EIF3A: variants seen among roughly 807,000 people sequenced by gnomAD.
The protein encoded by EIF3A is EIF3, p180 subunit.
EIF3A carries 21 observed loss-of-function variants against 186.6 expected under a neutral mutation model. The ratio of observed to expected loss-of-function variants is 0.11; its 90% CI spans 0.08 to 0.16. EIF3A has a LOEUF of 0.16. EIF3A is among the 10% of genes least tolerant of loss of function. The probability of loss-of-function intolerance (pLI) is 1.00; values close to 1 mark genes in which losing one functional copy is unlikely to be tolerated. For missense variants in EIF3A, 1,306 were observed against 1,796.3 expected (o/e 0.73, Z 4.93); for synonymous variants, 563 against 584.3 (o/e 0.96, Z 0.52).
At chr10:119,047,680 G>GA (rs1235026168) in intron 17 of EIF3A, among the ~76,000 whole-genome samples, 3 of 152,140 alleles carry the variant, frequency 2.0e-5, no homozygotes, top group East Asian at 1.9e-4. Flanking sequence ...GTGCTCAACA[G>GA]AAAAAAACAT....
intron 6 of EIF3A, among the ~76,000 whole-genome samples, chr10:119,069,128 T>C (rs751642737): frequency 2.0e-5 from 3 of 152,228 alleles, no homozygotes; most frequent in Non-Finnish European, 4.4e-5. Context: ...TTAGCGGAGT[T>C]ACTTATCACC....
In EIF3A at chr10:119,050,579, T is replaced by C. The variant is rs61729195; in HGVS notation, c.2415A>G (p.Thr805=). ...KRQRKEERRI[T]YYREKEEEEQ... The stretch of plus-strand genomic sequence containing the variant: ...CCTCCTCTTCTTTTTCTCTATAGTA[T>C]GTTATCCTGCGTTCTTCTTTACGCT... Residue 805 remains threonine (T), a synonymous_variant, in exon 16 of 22, where the codon ACA becomes ACG. Transcript: ENST00000369144. 3.2e-3 allele frequency: 5,123 copies of C among 1,614,134 alleles called. 18 individuals are homozygous for C. Among genetic ancestry groups the C allele is most frequent in the South Asian group, 4.4e-3 (398 of 91,080 alleles).
rs1323526160 is a variant in EIF3A at position 119,080,656 on chromosome 10, C to T, written c.21G>A (p.Arg7=). 6.3e-7 allele frequency: 1 copy of T among 1,596,620 alleles called. No individual in the cohort carries two copies. MPAYFQ[R]PENALKRANE... is the part of the protein sequence containing the mutation. ...TGGCGCGTTTGAGGGCATTTTCCGGCCTCTGAAAATAGGCCGGCATCTTGG... is the reference window on the plus strand; with the variant it reads ...TGGCGCGTTTGAGGGCATTTTCCGGTCTCTGAAAATAGGCCGGCATCTTGG... The change falls in exon 1 of 22, where the codon AGG becomes AGA. Residue 7 remains arginine, a synonymous_variant. Coordinates refer to ENST00000369144, the MANE Select transcript of EIF3A (RefSeq NM_003750.4).
intron 19 of EIF3A, 31 bp downstream of exon 19, chr10:119,041,963 C>T: frequency 6.2e-7 from 1 of 1,605,782 alleles, no homozygotes; most frequent in Non-Finnish European, 8.5e-7. Context: ...CAGGTGAACA[C>T]TTAAGCATAT....
At chr10:119,072,477 CAG>C (rs1844092844) in intron 4 of EIF3A, among the ~76,000 whole-genome samples, 4 of 151,084 alleles carry the variant, frequency 2.6e-5, no homozygotes, top group Admixed American at 6.6e-5. Flanking sequence ...TGTTTTGAGA[CAG>C]AGTCTTGCTG....
intron 20 of EIF3A, 29 bp downstream of exon 20, chr10:119,038,209 C>T (rs1848162423): frequency 6.3e-7 from 1 of 1,598,320 alleles, no homozygotes; most frequent in Non-Finnish European, 8.5e-7. Flanking sequence ...CGCCCGGCCT[C>T]TACAAATAAT....
In EIF3A at chr10:119,035,397, G is replaced by A. The variant is rs1589682196; in HGVS notation, c.*642C>T. 1 of 151,598 alleles carries A rather than the reference G, an allele frequency of 6.6e-6. No homozygotes were observed. The highest frequency in any genetic ancestry group is 1.5e-5 in the Non-Finnish European group (1 of 67,770). The allele number at this position is 151,598 out of a possible 1,614,324, so 9.4% of individuals were successfully genotyped here. On this transcript the variant is annotated 3_prime_UTR_variant, in exon 22 of 22. Transcript: ENST00000369144. ...TAAAATTTAAAAGCTATACTGTTTGGATTCACACTTGCGCAGTAATCTTGT... is the reference window on the plus strand; with the variant it reads ...TAAAATTTAAAAGCTATACTGTTTGAATTCACACTTGCGCAGTAATCTTGT...
Position 119,036,163 on chromosome 10 carries a change from TC to T in EIF3A, c.4024del (p.Asp1342ThrfsTer53). ...PPALSRDRER[D>X]RDREREGEKE... Reference sequence around the variant, plus strand: ...TTCACCTTCTCTTTCTCGGTCTCGGTCTCTTTCTCGGTCTCTTGAAAGAGCT... The same window carrying T: ...TTCACCTTCTCTTTCTCGGTCTCGGTTCTTTCTCGGTCTCTTGAAAGAGCT... On this transcript the variant is annotated frameshift_variant, in exon 22 of 22. Coordinates refer to ENST00000369144, the MANE Select transcript of EIF3A (RefSeq NM_003750.4). LOFTEE classifies it high-confidence loss of function. 1 of 1,613,616 alleles carries T rather than the reference TC, an allele frequency of 6.2e-7. No individual in the cohort carries two copies. Among genetic ancestry groups the T allele is most frequent in the Non-Finnish European group, 8.5e-7 (1 of 1,179,794 alleles).
chr10:119,059,453 G>GT (rs1443483099), intron 10 of EIF3A, 56 bp from the exon 11 acceptor site: 3 of 1,373,132 alleles, frequency 2.2e-6, no homozygotes, highest in South Asian at 2.7e-5. Flanking sequence ...AAGTCAAAAA[G>GT]TAACAGAAGA....
intron 5 of EIF3A, 144 bp from the exon 6 acceptor site, chr10:119,069,798 C>G (rs1844042318): frequency 5.0e-6 from 3 of 604,808 alleles, no homozygotes; most frequent in Admixed American, 6.0e-5. Context: ...TCATGTATAT[C>G]TATTTTAGAA....
At chr10:119,062,945 G>A (rs895887966) in intron 7 of EIF3A, among the ~76,000 whole-genome samples, 14 of 150,506 alleles carry the variant, frequency 9.3e-5, no homozygotes, top group African/African-American at 3.4e-4. Context: ...TAGTAGAGAC[G>A]GGGTTTCACC....
At chr10:119,051,406 T>C in intron 14 of EIF3A, 85 bp from the exon 15 acceptor site, 1 of 1,350,448 alleles carries the variant, frequency 7.4e-7, no homozygotes, top group Non-Finnish European at 9.9e-7. Context: ...TCTTGAAAAA[T>C]TAGAAGCTGC....
chr10:119,064,522 C>A (rs903083008), intron 7 of EIF3A, among the ~76,000 whole-genome samples: 2 of 152,130 alleles, frequency 1.3e-5, no homozygotes, highest in African/African-American at 4.8e-5. Context: ...GTGGTACCTT[C>A]CCCCTCTGTC....
At position 119,060,776 on chromosome 10, in the gene EIF3A, T is replaced by C. The variant is rs776742591; in HGVS notation, c.1296A>G (p.Gln432=). The change falls in exon 9 of 22, where the codon CAA becomes CAG. Residue 432 remains glutamine (Q), a synonymous_variant. Coordinates refer to ENST00000369144, the MANE Select transcript of EIF3A (RefSeq NM_003750.4). ...GCAGAAGGCGGAGGATGGTGTTGTT[T>C]TGCAGTTGTGGCACATACTGCTGCA... ...PELQQYVPQL[Q]NNTILRLLQQ... is the part of the protein sequence containing the mutation. 1.2e-6 allele frequency: 2 copies of C among 1,611,292 alleles called. No homozygotes were observed. The highest frequency in any genetic ancestry group is 1.3e-5 in the African/African-American group (1 of 74,786).
intron 19 of EIF3A, among the ~76,000 whole-genome samples, chr10:119,040,417 G>C (rs187322013): frequency 6.6e-6 from 1 of 152,342 alleles, no homozygotes; most frequent in Non-Finnish European, 1.5e-5. Flanking sequence ...TGCCCCTGAA[G>C]AGAATCAGAG....
intron 6 of EIF3A, among the ~76,000 whole-genome samples, chr10:119,068,120 ATT>A (rs112018245): frequency 6.7e-6 from 1 of 150,056 alleles, no homozygotes; most frequent in African/African-American, 2.4e-5. Context: ...CCAGAAATGT[ATT>A]TTTTTTTTAA....
At chr10:119,048,232 C>A (rs1848307552) in intron 17 of EIF3A, among the ~76,000 whole-genome samples, 1 of 151,730 alleles carries the variant, frequency 6.6e-6, no homozygotes, top group Admixed American at 6.6e-5. Context: ...TCAAGCAGGC[C>A]ACAACATAGA....
intron 9 of EIF3A, 28 bp downstream of exon 9, chr10:119,060,718 A>T: frequency 6.4e-7 from 1 of 1,563,130 alleles, no homozygotes; most frequent in African/African-American, 1.4e-5. Flanking sequence ...ATAACATCAC[A>T]AAACTTTTTT....
intron 9 of EIF3A, 95 bp downstream of exon 9, chr10:119,060,651 G>A (rs1179241234): frequency 3.7e-6 from 3 of 811,124 alleles, no homozygotes; most frequent in East Asian, 5.6e-5. Flanking sequence ...ACTTGGGGAG[G>A]TTCTCACTTC....
Sources: gnomAD v4.1 joint callset for allele counts (sites outside exome capture counted in the v4.1 genomes callset) on GRCh38, gnomAD v4.1.1 for gene constraint, MANE v1.5 for transcripts, NCBI Gene and HGNC (gene_info 2026-07-23, HGNC 2026-07-21) for gene names.